The following GPHN variants were observed in gnomAD, a reference collection of about 807,000 sequenced individuals.
GPHN encodes gephyrin.
GPHN carries 17 observed loss-of-function variants against 95.5 expected under a neutral mutation model. That is an observed-to-expected ratio of 0.18 (90% CI 0.12 to 0.27). GPHN has a LOEUF of 0.27. Among genes scored for constraint, GPHN ranks in the 10% least tolerant of loss-of-function variants. The probability of loss-of-function intolerance (pLI) is 1.00; values close to 1 mark genes in which losing one functional copy is unlikely to be tolerated. For missense variants in GPHN, 660 were observed against 978.1 expected (o/e 0.67, Z 4.34); for synonymous variants, 320 against 322.5 (o/e 0.99, Z 0.08).
At chr14:67,593,855 A>G in the GPHN span, 3 of 1,612,784 alleles carry the variant, frequency 1.9e-6, no homozygotes, top group Admixed American at 5.0e-5. Flanking sequence ...AAGGGAATCA[A>G]TGATTAACAG....
the GPHN span, chr14:67,349,220 T>C: frequency 9.9e-7 from 1 of 1,008,424 alleles, no homozygotes; most frequent in Middle Eastern, 2.1e-4. Flanking sequence ...CAATTAAGTA[T>C]GTTTTGATAA....
the GPHN span, among the ~76,000 whole-genome samples, chr14:67,276,833 G>A: frequency 6.6e-6 from 1 of 152,080 alleles, no homozygotes; most frequent in African/African-American, 2.4e-5. Context: ...GACCTGGCCC[G>A]GTCTCTCTTG....
intron 3 of GPHN, among the ~76,000 whole-genome samples, chr14:66,792,110 C>G (rs895159223): frequency 6.6e-6 from 1 of 152,100 alleles, no homozygotes; most frequent in African/African-American, 2.4e-5. Flanking sequence ...CTGCCCATGA[C>G]ACATGGGAAT....
chr14:67,001,406 A>G (rs2072219322), intron 9 of GPHN, among the ~76,000 whole-genome samples: 1 of 151,652 alleles, frequency 6.6e-6, no homozygotes, highest in Admixed American at 6.6e-5. Flanking sequence ...TAGCAGTAAA[A>G]TGACAGCTCA....
At chr14:67,541,727 C>A in the GPHN span, 1 of 725,636 alleles carries the variant, frequency 1.4e-6, no homozygotes. Context: ...GTTTTCTCTT[C>A]CCCAGCCCTG....
At chr14:67,611,257 CTCTT>C in the GPHN span, 9 of 151,148 alleles carry the variant, frequency 6.0e-5, no homozygotes, top group Non-Finnish European at 1.2e-4. Context: ...CCCTCTCTCT[CTCTT>C]TCTTTCTTTT....
chr14:67,524,605 T>G, the GPHN span, among the ~76,000 whole-genome samples: 2 of 152,190 alleles, frequency 1.3e-5, no homozygotes, highest in African/African-American at 4.8e-5. Flanking sequence ...AATGGCTGAA[T>G]ACATCATTTC....
At chr14:67,726,196 T>C in the GPHN span, 22 of 1,139,398 alleles carry the variant, frequency 1.9e-5, no homozygotes, top group Non-Finnish European at 2.8e-5. Context: ...GTACACCCAC[T>C]ATCTTTTCTT....
chr14:66,824,625 C>T (rs923593173), intron 4 of GPHN, 59 bp downstream of exon 4: 2 of 776,534 alleles, frequency 2.6e-6, no homozygotes, highest in African/African-American at 3.5e-5. Context: ...TTTTTTTAAT[C>T]CTTTTTACTA....
chr14:66,814,088 G>A (rs1023972053), intron 3 of GPHN, among the ~76,000 whole-genome samples: 9 of 152,230 alleles, frequency 5.9e-5, no homozygotes, highest in East Asian at 1.9e-4. Context: ...ACACAGGAAC[G>A]CAGTCTGCCC....
At chr14:67,536,997 ACCATTGTACTCCAG>A in the GPHN span, among the ~76,000 whole-genome samples, 1 of 150,938 alleles carries the variant, frequency 6.6e-6, no homozygotes, top group Non-Finnish European at 1.5e-5. Context: ...CCGAGATTGC[ACCATTGTACTCCAG>A]CCTGGGTGAC....
intron 4 of GPHN, among the ~76,000 whole-genome samples, chr14:66,845,785 G>C (rs1421197391): frequency 6.6e-6 from 1 of 151,228 alleles, no homozygotes; most frequent in Non-Finnish European, 1.5e-5. Context: ...AGTAGGTTTG[G>C]AATTCGGTTT....
chr14:67,571,586 A>G, the GPHN span: 1 of 619,456 alleles, frequency 1.6e-6, no homozygotes, highest in East Asian at 2.8e-5. Flanking sequence ...AGGTCATGAC[A>G]CAGGAGTGAG....
the GPHN span, among the ~76,000 whole-genome samples, chr14:67,521,682 C>T: frequency 2.1e-4 from 32 of 152,230 alleles, no homozygotes; most frequent in South Asian, 5.4e-3. Flanking sequence ...AGCATTAAGA[C>T]ATTAATGGGT....
the GPHN span, among the ~76,000 whole-genome samples, chr14:67,293,157 C>G: frequency 6.6e-6 from 1 of 152,066 alleles, no homozygotes; most frequent in African/African-American, 2.4e-5. Flanking sequence ...CCTATAAAAA[C>G]TGTAGACATT....
At chr14:66,774,095 C>T (rs541613547) in intron 2 of GPHN, among the ~76,000 whole-genome samples, 7 of 148,260 alleles carry the variant, frequency 4.7e-5, no homozygotes, top group East Asian at 2.1e-4. Flanking sequence ...CTCCGCCTCC[C>T]GGGTTCATGC....
the GPHN span, chr14:67,345,670 G>C: frequency 1.4e-6 from 1 of 733,302 alleles, no homozygotes; most frequent in Admixed American, 2.4e-5. Flanking sequence ...ACAGTTAAAA[G>C]TACAAAGCAC....
At chr14:67,384,936 A>G in the GPHN span, 6 of 152,244 alleles carry the variant, frequency 3.9e-5, no homozygotes, top group Non-Finnish European at 5.9e-5. Flanking sequence ...AATGCATTCA[A>G]AATATAACAG....
chr14:67,506,331 C>T, the GPHN span, among the ~76,000 whole-genome samples: 3 of 152,170 alleles, frequency 2.0e-5, no homozygotes, highest in East Asian at 3.9e-4. Context: ...AAGTTTTCAC[C>T]CTAGACCAGG....
Sources: allele counts gnomAD v4.1 joint callset (sites outside exome capture counted in the v4.1 genomes callset), GRCh38; gene constraint gnomAD v4.1.1; transcripts MANE v1.5; gene names NCBI Gene and HGNC (gene_info 2026-07-23, HGNC 2026-07-21).